Variants in CCDC40 observed in about 807,000 individuals in gnomAD.
CCDC40 encodes the protein coiled-coil domain-containing protein 40.
Under a neutral mutation model 124.5 loss-of-function variants are expected in CCDC40, and 104 were observed. That is an observed-to-expected ratio of 0.84 (90% CI 0.71 to 0.98). CCDC40 has a LOEUF of 0.98. CCDC40 is among the 50% of genes least tolerant of loss of function. CCDC40 has a pLI of 0.00. For missense variants in CCDC40, 1,463 were observed against 1,503.9 expected (o/e 0.97, Z 0.45); for synonymous variants, 580 against 602.9 (o/e 0.96, Z 0.56).
chr17:80,070,896 C>G (rs910143402), intron 10 of CCDC40, among the ~76,000 whole-genome samples: 2 of 152,220 alleles, frequency 1.3e-5, no homozygotes, highest in Admixed American at 1.3e-4. Flanking sequence ...GGGCACACCC[C>G]CTGTCCATCT....
intron 10 of CCDC40, among the ~76,000 whole-genome samples, chr17:80,080,850 A>G (rs1487856185): frequency 6.6e-6 from 1 of 152,186 alleles, no homozygotes; most frequent in Non-Finnish European, 1.5e-5. Context: ...CCCAGTGTTC[A>G]ATAGCATGTC....
intron 9 of CCDC40, among the ~76,000 whole-genome samples, chr17:80,062,881 G>A (rs979851911): frequency 7.2e-5 from 11 of 151,916 alleles, no homozygotes; most frequent in Non-Finnish European, 1.2e-4. Flanking sequence ...ATGAGCCACC[G>A]CACCTGGCAC....
At chr17:80,072,966 C>G (rs2038228188) in intron 10 of CCDC40, among the ~76,000 whole-genome samples, 1 of 150,392 alleles carries the variant, frequency 6.6e-6, no homozygotes, top group Admixed American at 6.7e-5. Context: ...CTCGCTTTCT[C>G]CTACTGCGTG....
chr17:80,056,752 G>A (rs777198173), intron 7 of CCDC40, among the ~76,000 whole-genome samples: 1 of 151,812 alleles, frequency 6.6e-6, no homozygotes, highest in Non-Finnish European at 1.5e-5. Context: ...ATAATAACAA[G>A]TCCTTAGCCA....
intron 16 of CCDC40, 69 bp from the exon 17 acceptor site, chr17:80,089,695 G>A (rs2038661684): frequency 1.3e-6 from 2 of 1,585,942 alleles, no homozygotes; most frequent in South Asian, 1.1e-5. Flanking sequence ...TAAAGCCTTA[G>A]AGTGTGAGCT....
At chr17:80,065,399 T>C (rs1403965335) in intron 9 of CCDC40, 86 bp from the exon 10 acceptor site, 68 of 1,557,888 alleles carry the variant, frequency 4.4e-5, no homozygotes, top group Admixed American at 1.5e-4. Flanking sequence ...GAGGAAGATT[T>C]GGGAATGTGA....
intron 12 of CCDC40, among the ~76,000 whole-genome samples, chr17:80,083,155 C>T (rs750401190): frequency 6.6e-6 from 1 of 151,722 alleles, no homozygotes. Context: ...GGGGTGCAGG[C>T]CCGGCTGTGA....
At position 80,066,184 on chromosome 17, in the gene CCDC40, C is replaced by G; in HGVS notation, c.1562+578C>G. 2 of 702,964 alleles carry G rather than the reference C, an allele frequency of 2.8e-6. No homozygotes were observed. Among genetic ancestry groups the G allele is most frequent in the Middle Eastern group, 2.3e-4 (1 of 4,368 alleles). 43.5% of individuals were successfully genotyped at this position (702,964 alleles called of 1,614,324 possible). On this transcript the variant is annotated intron_variant, in intron 10 of 19. Transcript: ENST00000397545. The surrounding 1 kb of genome is among the most constrained non-coding windows in gnomAD (Gnocchi z 4.4). ...AGCCGGGCACTGTGGTGGCACGTGTCTCACCCGCTGAGCTTTAACTTCCCC... is the reference window on the plus strand; with the variant it reads ...AGCCGGGCACTGTGGTGGCACGTGTGTCACCCGCTGAGCTTTAACTTCCCC...
In CCDC40 at chr17:80,050,087, A is replaced by G; in HGVS notation, c.963A>G (p.Arg321=). The part of the protein sequence containing the change: ...QELVVATKQS[R]AQRQELGVNL... The stretch of plus-strand genomic sequence containing the variant: ...AGGTTGTGGCTACCAAGCAGAGCCG[A>G]GCCCAGCGGCAGGAGCTGGGGGTGA... Residue 321 remains arginine (R), a synonymous_variant, in exon 7 of 20, where the codon CGA becomes CGG. Transcript: ENST00000397545. The G allele has an allele frequency of 1.2e-6, 2 of 1,613,734 alleles. No homozygotes were observed. The highest frequency in any genetic ancestry group is 1.7e-6 in the Non-Finnish European group (2 of 1,179,916).
In CCDC40 at chr17:80,049,959, C is replaced by G; in HGVS notation, c.909C>G (p.Ile303Met). The change falls in exon 6 of 20, where the codon ATC becomes ATG. Residue 303 changes from isoleucine (I) to methionine (M), a missense_variant. By Grantham distance (10) the Ile-to-Met change is conservative (BLOSUM62 1). Coordinates refer to ENST00000397545, the MANE Select transcript of CCDC40 (RefSeq NM_017950.4). ...TGAAGAACTACCTGAACCGACAGAT[C>G]GAAAAGTTGAAGCTGGACCTCCAAG... ...AALKNYLNRQIEKLKLDLQEL... is the reference protein window; with the variant it reads ...AALKNYLNRQMEKLKLDLQEL... 6.2e-7 allele frequency: 1 copy of G among 1,614,098 alleles called. No homozygotes were observed. The highest frequency in any genetic ancestry group is 2.2e-5 in the East Asian group (1 of 44,878).
At chr17:80,037,717 A>ATATATATATATATATATATATG (rs1254082523) in intron 1 of CCDC40, among the ~76,000 whole-genome samples, 1 of 142,998 alleles carries the variant, frequency 7.0e-6, no homozygotes, top group Non-Finnish European at 1.5e-5. Flanking sequence ...ATATATATAT[A>ATATATATATATATATATATATG]TATTCCTGTG....
chr17:80,045,167 A>C (rs2037390961), intron 3 of CCDC40, among the ~76,000 whole-genome samples: 3 of 152,228 alleles, frequency 2.0e-5, no homozygotes, highest in Admixed American at 1.3e-4. Context: ...GGCGCCGAAC[A>C]TACCTGGGGC....
chr17:80,059,850 G>A (rs986032566), intron 9 of CCDC40, among the ~76,000 whole-genome samples: 3 of 152,030 alleles, frequency 2.0e-5, no homozygotes, highest in African/African-American at 4.8e-5. Context: ...ATGAGCCACC[G>A]TGCCCAGCCA....
chr17:80,073,708 A>T lies in CCDC40; in HGVS notation c.1563-7838A>T, dbSNP rs572270667. Among the ~76,000 whole-genome samples, 167 of 151,542 alleles carry T rather than the reference A, an allele frequency of 1.1e-3. 3 individuals carry two copies. The highest frequency in any genetic ancestry group is 0.011 in the Admixed American group (167 of 15,238). On this transcript the variant is annotated intron_variant, in intron 10 of 19. Coordinates refer to ENST00000397545, the MANE Select transcript of CCDC40 (RefSeq NM_017950.4). ...ATGCCTCTCACTTTATTTTTATTTT[A>T]TTTATTTATTTTTGAGACACTCTGT... is the stretch of plus-strand genomic sequence containing the variant.
At chr17:80,044,713 A>AT (rs1371165666) in intron 3 of CCDC40, among the ~76,000 whole-genome samples, 4 of 60,168 alleles carry the variant, frequency 6.6e-5, no homozygotes, top group African/African-American at 2.8e-4. Flanking sequence ...AAACAAAAAA[A>AT]AAAATATATA....
chr17:80,088,174 C>A (rs2143755320), intron 16 of CCDC40, 72 bp downstream of exon 16: 1 of 1,048,120 alleles, frequency 9.5e-7, no homozygotes, highest in East Asian at 2.4e-5. Context: ...CCGTTGAAGA[C>A]CATGTAGGAG....
At chr17:80,065,686 T>A in intron 10 of CCDC40, 80 bp downstream of exon 10, 1 of 1,574,250 alleles carries the variant, frequency 6.4e-7, no homozygotes, top group Non-Finnish European at 8.7e-7. Context: ...CCCCTCTCTC[T>A]GGGTCCACCG....
intron 3 of CCDC40, among the ~76,000 whole-genome samples, chr17:80,045,757 TAA>T (rs561610284): frequency 1.4e-3 from 208 of 151,142 alleles, no homozygotes; most frequent in Middle Eastern, 0.01. Context: ...GGAAAGGCAT[TAA>T]GGGGAGGGCT....
At chr17:80,064,577 A>C (rs1381598381) in intron 9 of CCDC40, among the ~76,000 whole-genome samples, 3 of 152,132 alleles carry the variant, frequency 2.0e-5, no homozygotes, top group Non-Finnish European at 4.4e-5. Context: ...GGTGAGATTC[A>C]GCCCAGGCAG....
Sources: gnomAD v4.1 joint callset for allele counts (sites outside exome capture counted in the v4.1 genomes callset) on GRCh38, gnomAD v4.1.1 for gene constraint, Gnocchi (gnomAD v3.1) non-coding constraint, MANE v1.5 for transcripts, NCBI Gene and HGNC (gene_info 2026-07-23, HGNC 2026-07-21) for gene names.